The following HCRTR2 variants were observed in gnomAD, a reference collection of about 807,000 sequenced individuals.
HCRTR2 encodes the protein orexin receptor type 2.
A neutral mutation model predicts 49.0 loss-of-function variants in HCRTR2; 22 were observed. The ratio of observed to expected loss-of-function variants is 0.45; its 90% CI spans 0.32 to 0.64. The LOEUF (loss-of-function observed/expected upper bound fraction) is 0.64. HCRTR2 is among the 30% of genes least tolerant of loss of function. HCRTR2 has a pLI of 0.04. For synonymous variants in HCRTR2, 236 were observed against 205.3 expected (o/e 1.15, Z -1.28); for missense variants, 491 against 559.4 (o/e 0.88, Z 1.23).
At chr6:55,229,567 T>A (rs991997797) in intron 1 of HCRTR2, among the ~76,000 whole-genome samples, 2 of 152,152 alleles carry the variant, frequency 1.3e-5, no homozygotes, top group Non-Finnish European at 2.9e-5. Flanking sequence ...AAAAGAAGGG[T>A]ATCTTTCTGA....
chr6:55,122,311 C>A (rs371914479), intron 1 of HCRTR2, among the ~76,000 whole-genome samples: 2 of 152,028 alleles, frequency 1.3e-5, no homozygotes, highest in African/African-American at 4.8e-5. Flanking sequence ...GTGGTGATAT[C>A]CCCTTTATCA....
intron 1 of HCRTR2, among the ~76,000 whole-genome samples, chr6:55,239,407 T>C (rs1766277181): frequency 6.6e-6 from 1 of 152,214 alleles, no homozygotes; most frequent in African/African-American, 2.4e-5. Context: ...ATTTTTCCTG[T>C]CTGAAGAACT....
upstream of HCRTR2, among the ~76,000 whole-genome samples, chr6:55,172,514 C>T (rs902759844): frequency 6.6e-6 from 1 of 151,920 alleles, no homozygotes; most frequent in African/African-American, 2.4e-5. Flanking sequence ...CCATTGATGC[C>T]CTTCTCTTAA....
intron 1 of HCRTR2, among the ~76,000 whole-genome samples, chr6:55,133,238 A>G (rs1764383203): frequency 6.6e-6 from 1 of 151,722 alleles, no homozygotes; most frequent in South Asian, 2.1e-4. Context: ...CCTGTCTCCT[A>G]TGTCTTCTTT....
chr6:55,137,586 GAGAGT>G (rs1400852354), intron 1 of HCRTR2, among the ~76,000 whole-genome samples: 1 of 152,120 alleles, frequency 6.6e-6, no homozygotes, highest in African/African-American at 2.4e-5. Flanking sequence ...GGAAACCTGA[GAGAGT>G]AGCTAGGTAA....
intron 1 of HCRTR2, among the ~76,000 whole-genome samples, chr6:55,196,438 T>C (rs1303445350): frequency 1.3e-5 from 2 of 152,120 alleles, no homozygotes; most frequent in African/African-American, 2.4e-5. Context: ...TTGGGATGAT[T>C]AGACATAGAG....
chr6:55,185,859 C>A (rs948812181), intron 1 of HCRTR2, among the ~76,000 whole-genome samples: 4 of 152,212 alleles, frequency 2.6e-5, no homozygotes, highest in African/African-American at 9.6e-5. Flanking sequence ...GACAATCTTT[C>A]TGTAAACAGA....
At chr6:55,162,852 T>G (rs912064994) in intron 1 of HCRTR2, among the ~76,000 whole-genome samples, 1 of 152,302 alleles carries the variant, frequency 6.6e-6, no homozygotes, top group South Asian at 2.1e-4. Flanking sequence ...TCCATCCTCA[T>G]GGATAGGAAG....
At chr6:55,202,327 A>G (rs1346231911) in intron 1 of HCRTR2, among the ~76,000 whole-genome samples, 1 of 152,200 alleles carries the variant, frequency 6.6e-6, no homozygotes, top group Non-Finnish European at 1.5e-5. Flanking sequence ...CACATTGGAA[A>G]ACATTTATCA....
chr6:55,247,451 A>T (rs763916459), intron 1 of HCRTR2, among the ~76,000 whole-genome samples: 8 of 152,132 alleles, frequency 5.3e-5, no homozygotes, highest in Non-Finnish European at 1.2e-4. Context: ...ATCCTCATTC[A>T]GTGATTCAAA....
intron 1 of HCRTR2, among the ~76,000 whole-genome samples, chr6:55,176,575 T>A (rs1007906964): frequency 6.6e-6 from 1 of 152,186 alleles, no homozygotes; most frequent in Non-Finnish European, 1.5e-5. Context: ...GAGCCCTTCA[T>A]GTACATTCTC....
At chr6:55,120,198 G>A (rs568368845) in intron 1 of HCRTR2, among the ~76,000 whole-genome samples, 12 of 152,244 alleles carry the variant, frequency 7.9e-5, no homozygotes, top group African/African-American at 2.9e-4. Context: ...TTGAAGTCAA[G>A]TAGCATGATG....
At chr6:55,132,678 T>G (rs996572582) in intron 1 of HCRTR2, among the ~76,000 whole-genome samples, 8 of 151,390 alleles carry the variant, frequency 5.3e-5, no homozygotes, top group African/African-American at 1.2e-4. Context: ...AAGACATGGT[T>G]AGGGAGCAAA....
rs190657815 is a variant in HCRTR2, at chr6:55,122,334, T to A, written c.-378+15789T>A. 2.8e-4 allele frequency among the ~76,000 whole-genome samples: 43 copies of A among 152,282 alleles called. No homozygotes were observed. The East Asian group carries it at 8.1e-3, about 29-fold the overall frequency. On this transcript the variant is annotated intron_variant, in intron 1 of 7. Transcript: ENST00000615358. ...ATCCCCTTTATCATTTTTTATTGTG[T>A]CTATTTGATTCTTCTCTCTTTTCTT... is the stretch of plus-strand genomic sequence containing the variant.
intron 1 of HCRTR2, among the ~76,000 whole-genome samples, chr6:55,119,631 T>A (rs569471700): frequency 6.6e-6 from 1 of 151,926 alleles, no homozygotes; most frequent in East Asian, 1.9e-4. Context: ...TGTTTTTTTT[T>A]TTTTGTAAAT....
intron 1 of HCRTR2, among the ~76,000 whole-genome samples, chr6:55,227,730 C>A (rs1353804234): frequency 6.6e-6 from 1 of 151,984 alleles, no homozygotes; most frequent in Admixed American, 6.6e-5. Context: ...GTTGGTTATA[C>A]TTGGCGGGGG....
chr6:55,109,002 C>T (rs1764012817), intron 1 of HCRTR2, among the ~76,000 whole-genome samples: 1 of 152,050 alleles, frequency 6.6e-6, no homozygotes, highest in Non-Finnish European at 1.5e-5. Context: ...CCTCACTCCC[C>T]TCCTGCTACC....
chr6:55,230,899 T>G (rs1766102560), intron 1 of HCRTR2, among the ~76,000 whole-genome samples: 1 of 151,982 alleles, frequency 6.6e-6, no homozygotes. Flanking sequence ...GTTCATTCAC[T>G]TCACCTCTGT....
chr6:55,222,041 G>A (rs1464604105), intron 1 of HCRTR2, among the ~76,000 whole-genome samples: 2 of 151,956 alleles, frequency 1.3e-5, no homozygotes, highest in Non-Finnish European at 2.9e-5. Flanking sequence ...AAATGGGAGA[G>A]AATATTTGCA....
Sources: gnomAD v4.1 joint callset for allele counts (sites outside exome capture counted in the v4.1 genomes callset) on GRCh38, gnomAD v4.1.1 for gene constraint, MANE v1.5 for transcripts, NCBI Gene and HGNC (gene_info 2026-07-23, HGNC 2026-07-21) for gene names.